The following SAMTOR variants were observed in gnomAD, a reference collection of about 807,000 sequenced individuals.
The protein encoded by SAMTOR is UPF0532 protein C7orf60.
chr7:112,873,761 A>C, the SAMTOR span, among the ~76,000 whole-genome samples: 1 of 152,176 alleles, frequency 6.6e-6, no homozygotes, highest in East Asian at 1.9e-4. Flanking sequence ...AGAAACTATC[A>C]ATAAACAGAC....
the SAMTOR span, among the ~76,000 whole-genome samples, chr7:112,928,522 A>G: frequency 6.6e-6 from 1 of 152,016 alleles, no homozygotes. Context: ...TTGATTTACA[A>G]TTTGTATAAA....
At chr7:112,849,943 A>C in the SAMTOR span, among the ~76,000 whole-genome samples, 2 of 152,346 alleles carry the variant, frequency 1.3e-5, no homozygotes, top group South Asian at 4.1e-4. Flanking sequence ...ATGGTGGCTC[A>C]TGCCTGTAAT....
chr7:112,822,644 G>A, the SAMTOR span, among the ~76,000 whole-genome samples: 1 of 152,140 alleles, frequency 6.6e-6, no homozygotes, highest in African/African-American at 2.4e-5. Context: ...TGTATTTTGG[G>A]TTGGGACTTA....
the SAMTOR span, among the ~76,000 whole-genome samples, chr7:112,887,497 G>C: frequency 1.3e-5 from 2 of 152,108 alleles, no homozygotes; most frequent in Non-Finnish European, 2.9e-5. Flanking sequence ...TCTGTTTTCA[G>C]GAACAGATTG....
chr7:112,938,521 C>T, the SAMTOR span, among the ~76,000 whole-genome samples: 2 of 152,264 alleles, frequency 1.3e-5, no homozygotes, highest in Admixed American at 1.3e-4. Context: ...TCCTTCACTG[C>T]CATAATTTTC....
At chr7:112,908,801 C>T in the SAMTOR span, among the ~76,000 whole-genome samples, 1 of 152,168 alleles carries the variant, frequency 6.6e-6, no homozygotes, top group Non-Finnish European at 1.5e-5. Flanking sequence ...GCCTATATGA[C>T]AGTTGAATTC....
chr7:112,928,902 C>A, the SAMTOR span, among the ~76,000 whole-genome samples: 1 of 151,800 alleles, frequency 6.6e-6, no homozygotes, highest in Non-Finnish European at 1.5e-5. Flanking sequence ...GTACACAGAT[C>A]TTTTCGAAAA....
the SAMTOR span, among the ~76,000 whole-genome samples, chr7:112,922,488 C>T: frequency 2.0e-5 from 3 of 151,842 alleles, no homozygotes; most frequent in African/African-American, 4.8e-5. Flanking sequence ...TCTGCCCGGC[C>T]GCCATCCCAT....
the SAMTOR span, among the ~76,000 whole-genome samples, chr7:112,852,745 T>G: frequency 8.0e-4 from 121 of 152,078 alleles, 1 homozygote; most frequent in Non-Finnish European, 1.3e-3. Flanking sequence ...GGAACCACAT[T>G]TCATGAAAAT....
the SAMTOR span, among the ~76,000 whole-genome samples, chr7:112,920,121 C>A: frequency 4.5e-4 from 67 of 148,096 alleles, no homozygotes; most frequent in Non-Finnish European, 6.2e-4. Flanking sequence ...CATCCTGATA[C>A]CAAAGACTGG....
the SAMTOR span, among the ~76,000 whole-genome samples, chr7:112,847,828 A>G: frequency 6.6e-6 from 1 of 151,850 alleles, no homozygotes; most frequent in Non-Finnish European, 1.5e-5. Context: ...CTAGAAGCCC[A>G]AGTTCTAAAA....
At chr7:112,893,451 C>A in the SAMTOR span, among the ~76,000 whole-genome samples, 1 of 152,162 alleles carries the variant, frequency 6.6e-6, no homozygotes, top group African/African-American at 2.4e-5. Context: ...TCTTCTGAAG[C>A]TTCCTCACCT....
At chr7:112,878,466 G>C in the SAMTOR span, among the ~76,000 whole-genome samples, 2 of 152,166 alleles carry the variant, frequency 1.3e-5, no homozygotes, top group African/African-American at 4.8e-5. Context: ...GGGATCCACA[G>C]AGCACACTGA....
the SAMTOR span, chr7:112,895,798 GA>G: frequency 8.2e-7 from 1 of 1,217,622 alleles, no homozygotes; most frequent in East Asian, 2.8e-5. Flanking sequence ...AAATAAGACG[GA>G]AAAAATTGGC....
At chr7:112,876,047 G>A in the SAMTOR span, among the ~76,000 whole-genome samples, 3 of 152,054 alleles carry the variant, frequency 2.0e-5, no homozygotes, top group African/African-American at 4.8e-5. Flanking sequence ...CACAGCCTCC[G>A]CCTCCTGAGC....
chr7:112,906,205 A>G, the SAMTOR span, among the ~76,000 whole-genome samples: 1 of 152,230 alleles, frequency 6.6e-6, no homozygotes, highest in Non-Finnish European at 1.5e-5. Context: ...TAGATGGTAT[A>G]GCCTACTACA....
chr7:112,863,801 A>T, the SAMTOR span, among the ~76,000 whole-genome samples: 1 of 152,338 alleles, frequency 6.6e-6, no homozygotes, highest in East Asian at 1.9e-4. Flanking sequence ...GAATGCTTAC[A>T]CACTCCTGGT....
chr7:112,906,562 G>T, the SAMTOR span, among the ~76,000 whole-genome samples: 14 of 129,728 alleles, frequency 1.1e-4, no homozygotes, highest in African/African-American at 4.0e-4. Context: ...AGAACAAATG[G>T]AAAGACATAT....
At chr7:112,895,678 T>C in the SAMTOR span, 2 of 1,583,332 alleles carry the variant, frequency 1.3e-6, no homozygotes, top group Non-Finnish European at 1.7e-6. Flanking sequence ...AGTACAGCTC[T>C]TTTTTCATCT....
Sources: allele counts gnomAD v4.1 joint callset (sites outside exome capture counted in the v4.1 genomes callset), GRCh38; gene constraint gnomAD v4.1.1; transcripts MANE v1.5; gene names NCBI Gene and HGNC (gene_info 2026-07-23, HGNC 2026-07-21).